The following ME3 variants were observed in gnomAD, a reference collection of about 807,000 sequenced individuals.
ME3 encodes NADP-dependent malic enzyme, mitochondrial.
A neutral mutation model predicts 68.9 loss-of-function variants in ME3; 48 were observed. The observed-to-expected ratio is 0.70, with a 90% CI of 0.55 to 0.89. The LOEUF (loss-of-function observed/expected upper bound fraction) is 0.89. ME3 is among the 40% of genes least tolerant of loss of function. The pLI is 0.00. For missense variants in ME3, 675 were observed against 797.4 expected (o/e 0.85, Z 1.85); for synonymous variants, 320 against 318.8 (o/e 1.00, Z -0.04).
intron 7 of ME3, among the ~76,000 whole-genome samples, chr11:86,482,468 G>T (rs1951466943): frequency 1.3e-5 from 2 of 151,624 alleles, no homozygotes. Context: ...AGTGAGGGCT[G>T]CCCCATTCCT....
At chr11:86,601,579 G>A (rs902724621) in intron 2 of ME3, among the ~76,000 whole-genome samples, 2 of 152,160 alleles carry the variant, frequency 1.3e-5, no homozygotes, top group African/African-American at 4.8e-5. Context: ...TAGAAAAAGA[G>A]AGAATCCTCC....
rs182504433 is a variant in ME3, at chr11:86,515,155, T to C, written c.468-6288A>G. On this transcript the variant is annotated intron_variant, in intron 4 of 14. Transcript: ENST00000543262. The stretch of plus-strand genomic sequence containing the variant: ...TATAAGGATCTTTGGTGATGCACAA[T>C]TGGGACTAATTTTCCATGTTCCCCG... Among the ~76,000 whole-genome samples, 16 of 152,306 alleles carry C rather than the reference T, an allele frequency of 1.1e-4. No individual in the cohort carries two copies. In the East Asian group the frequency reaches 2.9e-3, roughly 27 times the overall value.
intron 4 of ME3, among the ~76,000 whole-genome samples, chr11:86,536,342 A>G (rs1051707755): frequency 6.8e-6 from 1 of 146,648 alleles, no homozygotes. Flanking sequence ...ATCAGAGTGA[A>G]CAGGCAACCT....
intron 2 of ME3, among the ~76,000 whole-genome samples, chr11:86,633,060 G>A (rs947560460): frequency 6.6e-6 from 1 of 152,124 alleles, no homozygotes; most frequent in African/African-American, 2.4e-5. Context: ...CTGTGAGTCC[G>A]ATATGCATGT....
intron 2 of ME3, among the ~76,000 whole-genome samples, chr11:86,571,887 G>C (rs7941124): frequency 0.12 from 18,673 of 152,232 alleles, 1,430 homozygotes; most frequent in African/African-American, 0.22. Flanking sequence ...GAGGCATTCA[G>C]AGGAGCTTGG....
At chr11:86,483,958 A>C (rs897854358) in intron 7 of ME3, among the ~76,000 whole-genome samples, 5 of 152,250 alleles carry the variant, frequency 3.3e-5, no homozygotes, top group Non-Finnish European at 5.9e-5. Flanking sequence ...CATCCACTGC[A>C]TGACAGGGAA....
chr11:86,518,041 A>G (rs1322286161), intron 4 of ME3, among the ~76,000 whole-genome samples: 3 of 152,210 alleles, frequency 2.0e-5, no homozygotes, highest in Non-Finnish European at 2.9e-5. Context: ...GGTAGCTGAT[A>G]TTGGTTACTT....
At chr11:86,580,380 A>C (rs572426368) in intron 2 of ME3, among the ~76,000 whole-genome samples, 2 of 152,088 alleles carry the variant, frequency 1.3e-5, no homozygotes, top group African/African-American at 4.8e-5. Context: ...AAGTAAAGTT[A>C]ATATTTAAAG....
At chr11:86,441,562 G>A (rs1948998504) in intron 14 of ME3, 122 bp from the exon 15 acceptor site, 1 of 961,796 alleles carries the variant, frequency 1.0e-6, no homozygotes, top group South Asian at 2.3e-5. Flanking sequence ...TCTTTCATGA[G>A]TATGGCTCAT....
intron 2 of ME3, among the ~76,000 whole-genome samples, chr11:86,625,528 G>A (rs1400777809): frequency 6.6e-6 from 1 of 152,136 alleles, no homozygotes; most frequent in Non-Finnish European, 1.5e-5. Context: ...TTGAATCCCA[G>A]CTCTTACAGG....
chr11:86,437,225 A>G (rs1948903108), downstream of ME3: 1 of 152,312 alleles, frequency 6.6e-6, no homozygotes, highest in South Asian at 2.1e-4. Flanking sequence ...TGTTGCTGCA[A>G]AACACATGAT....
At chr11:86,468,798 A>T (rs1950625332) in intron 7 of ME3, among the ~76,000 whole-genome samples, 1 of 152,220 alleles carries the variant, frequency 6.6e-6, no homozygotes, top group South Asian at 2.1e-4. Context: ...ATGGTAAAAA[A>T]AATAGCTAGC....
At position 86,615,151 on chromosome 11, in the gene ME3, A is replaced by G. The variant is rs1037294659; in HGVS notation, c.184-55328T>C. Reference sequence around the variant, plus strand: ...ATTTATGAACTATTCTTCCATCGGTACAAATCTTAGTGAGCTTCTAGCCAC... The same window carrying G: ...ATTTATGAACTATTCTTCCATCGGTGCAAATCTTAGTGAGCTTCTAGCCAC... On this transcript the variant is annotated intron_variant, in intron 2 of 14. Transcript: ENST00000543262. 3.9e-5 allele frequency among the ~76,000 whole-genome samples: 6 copies of G among 152,154 alleles called. No homozygotes were observed. The South Asian group carries it at 1.0e-3, about 26-fold the overall frequency.
At chr11:86,645,214 C>A (rs575450789) in intron 2 of ME3, among the ~76,000 whole-genome samples, 6 of 152,230 alleles carry the variant, frequency 3.9e-5, no homozygotes, top group African/African-American at 1.2e-4. Flanking sequence ...CAAGACAGAA[C>A]TATTCACTCC....
At chr11:86,559,581 C>T in intron 3 of ME3, 109 bp downstream of exon 3, 3 of 1,355,842 alleles carry the variant, frequency 2.2e-6, no homozygotes, top group Non-Finnish European at 3.0e-6. Flanking sequence ...TCTCTTTGGG[C>T]TCTCAGCCTT....
intron 2 of ME3, among the ~76,000 whole-genome samples, chr11:86,644,117 C>T (rs1317838472): frequency 2.6e-5 from 4 of 152,154 alleles, no homozygotes; most frequent in Non-Finnish European, 5.9e-5. Context: ...GAGAGCGGAA[C>T]ATACAGACTG....
intron 2 of ME3, among the ~76,000 whole-genome samples, chr11:86,628,854 A>G (rs775063236): frequency 2.6e-5 from 4 of 152,210 alleles, no homozygotes; most frequent in Non-Finnish European, 5.9e-5. Context: ...AGAAAAGTCT[A>G]TGAGGAAGGA....
intron 4 of ME3, among the ~76,000 whole-genome samples, chr11:86,552,929 A>T (rs1956765899): frequency 6.6e-6 from 1 of 151,974 alleles, no homozygotes; most frequent in Admixed American, 6.6e-5. Flanking sequence ...GGCCTGGGAG[A>T]GGGAGAGTAT....
chr11:86,464,172 A>G (rs1351573372), intron 8 of ME3: 2 of 404,678 alleles, frequency 4.9e-6, no homozygotes, highest in East Asian at 7.5e-5. Context: ...TCCAGGGCCA[A>G]CACCTGTCTC....
Sources: allele counts gnomAD v4.1 joint callset (sites outside exome capture counted in the v4.1 genomes callset), GRCh38; gene constraint gnomAD v4.1.1; transcripts MANE v1.5; gene names NCBI Gene and HGNC (gene_info 2026-07-23, HGNC 2026-07-21).